SLC3A1: variants seen among roughly 807,000 people sequenced by gnomAD.
SLC3A1 encodes amino acid transporter heavy chain SLC3A1.
SLC3A1 carries 78 observed loss-of-function variants against 60.3 expected under a neutral mutation model. The observed-to-expected ratio is 1.29, with a 90% CI of 1.08 to 1.56. SLC3A1 has a LOEUF of 1.56. Ranked by LOEUF, SLC3A1 falls within the 40% of genes most tolerant of loss-of-function variation. SLC3A1 has a pLI of 0.00. For synonymous variants in SLC3A1, 392 were observed against 307.9 expected, an observed-to-expected ratio of 1.27 and a Z score of -2.86; for missense variants, 1,172 against 858.9, an observed-to-expected ratio of 1.36 and a Z score of -4.56.
chr2:44,321,411 A>T lies in SLC3A1; in HGVS notation c.*772A>T, dbSNP rs551975130. On this transcript the variant is annotated 3_prime_UTR_variant, in exon 10 of 10. Coordinates refer to ENST00000260649, the MANE Select transcript of SLC3A1 (RefSeq NM_000341.4). ...GAAAACACTGGTGCTGTCAAGTCCA[A>T]GTTCCTCGTACAGGAATTTAATTTG... 6.2e-7 allele frequency: 1 copy of T among 1,613,138 alleles called. No individual in the cohort carries two copies. The highest frequency in any genetic ancestry group is 1.1e-5 in the South Asian group (1 of 91,034).
intron 9 of SLC3A1, among the ~76,000 whole-genome samples, chr2:44,315,990 A>G (rs1382635288): frequency 1.3e-5 from 2 of 152,194 alleles, no homozygotes; most frequent in African/African-American, 2.4e-5. Context: ...CACAGACACC[A>G]GGAGAAAAAA....
chr2:44,318,085 TCTCA>T (rs1558473523), intron 9 of SLC3A1: 1 of 427,488 alleles, frequency 2.3e-6, no homozygotes, highest in Non-Finnish European at 4.6e-6. Context: ...ACTTAAAGGA[TCTCA>T]ACACTGTTTT....
At chr2:44,309,829 C>T (rs1002067642) in intron 7 of SLC3A1, among the ~76,000 whole-genome samples, 9 of 152,048 alleles carry the variant, frequency 5.9e-5, no homozygotes, top group Admixed American at 2.0e-4. Context: ...GAACTCCTGG[C>T]CTCAAGTGAT....
intron 4 of SLC3A1, among the ~76,000 whole-genome samples, chr2:44,289,841 G>C (rs901544726): frequency 1.3e-5 from 2 of 151,960 alleles, no homozygotes; most frequent in Non-Finnish European, 2.9e-5. Flanking sequence ...ATGTTGGCTA[G>C]GCTGGTCTCG....
At chr2:44,304,412 T>C (rs973459640) in intron 7 of SLC3A1, 74 bp downstream of exon 7, 17 of 1,162,136 alleles carry the variant, frequency 1.5e-5, no homozygotes, top group South Asian at 1.4e-4. Flanking sequence ...TAAAATGCAA[T>C]GGACCTTTGT....
chr2:44,286,572 G>C (rs1161910028), intron 4 of SLC3A1, among the ~76,000 whole-genome samples: 2 of 137,122 alleles, frequency 1.5e-5, no homozygotes, highest in Admixed American at 1.5e-4. Flanking sequence ...GAGCTGTGCG[G>C]TGCCTGTGAC....
chr2:44,296,131 C>A (rs528774916), intron 4 of SLC3A1, among the ~76,000 whole-genome samples: 7 of 152,218 alleles, frequency 4.6e-5, no homozygotes, highest in African/African-American at 1.7e-4. Context: ...CTTTCTTTGC[C>A]CCACCAGACT....
Position 44,305,128 on chromosome 2 carries a change from C to A in SLC3A1, c.1332+790C>A, listed in dbSNP as rs775600867. 4.3e-4 allele frequency among the ~76,000 whole-genome samples: 66 copies of A among 152,214 alleles called. 1 individual carries two copies. Among genetic ancestry groups the A allele is most frequent in the Non-Finnish European group, 8.8e-4 (60 of 68,012 alleles). On this transcript the variant is annotated intron_variant, in intron 7 of 9. Coordinates refer to ENST00000260649, the MANE Select transcript of SLC3A1 (RefSeq NM_000341.4). ...GGGAATACAGGCATGAGCTACCACGCCCAGCACTAACATTTTTCAAGACTG... is the reference window on the plus strand; with the variant it reads ...GGGAATACAGGCATGAGCTACCACGACCAGCACTAACATTTTTCAAGACTG...
At chr2:44,283,722 C>G (rs563331556) in intron 3 of SLC3A1, among the ~76,000 whole-genome samples, 4 of 151,954 alleles carry the variant, frequency 2.6e-5, no homozygotes, top group Admixed American at 2.6e-4. Flanking sequence ...TTAATATGTT[C>G]AAAAATATGT....
Position 44,312,623 on chromosome 2 carries a change from T to C in SLC3A1, c.1370T>C (p.Leu457Ser), listed in dbSNP as rs770659978. The C allele has an allele frequency of 6.2e-7, 1 of 1,614,040 alleles. No individual in the cohort carries two copies. The highest frequency in any genetic ancestry group is 1.1e-5 in the South Asian group (1 of 91,082). The change falls in exon 8 of 10, where the codon TTG becomes TCG. Residue 457 changes from leucine to serine, a missense_variant. Transcript: ENST00000260649. ...GPDSSRLTSRLGNQYVNVMNM... is the reference protein window; with the variant it reads ...GPDSSRLTSRSGNQYVNVMNM... Reference sequence around the variant, plus strand: ...GACAGTTCACGGCTGACTTCGCGTTTGGGGAATCAGTATGTCAACGTGATG... The same window carrying C: ...GACAGTTCACGGCTGACTTCGCGTTCGGGGAATCAGTATGTCAACGTGATG...
At chr2:44,288,743 G>A (rs981654243) in intron 4 of SLC3A1, among the ~76,000 whole-genome samples, 4 of 152,214 alleles carry the variant, frequency 2.6e-5, no homozygotes, top group South Asian at 4.1e-4. Flanking sequence ...GGCTAAAGAC[G>A]TTGAACATCT....
intron 9 of SLC3A1, among the ~76,000 whole-genome samples, chr2:44,317,443 C>T (rs1672515566): frequency 7.8e-6 from 1 of 128,750 alleles, no homozygotes; most frequent in South Asian, 2.7e-4. Flanking sequence ...GCTTGGGCAA[C>T]AGAGGGAGAT....
intron 7 of SLC3A1, among the ~76,000 whole-genome samples, chr2:44,304,760 G>C (rs906113342): frequency 6.6e-6 from 1 of 150,654 alleles, no homozygotes; most frequent in African/African-American, 2.4e-5. Context: ...TTAAACTACA[G>C]AGATTGTCGG....
intron 6 of SLC3A1, among the ~76,000 whole-genome samples, chr2:44,302,534 C>T (rs946190356): frequency 1.3e-5 from 2 of 152,180 alleles, no homozygotes; most frequent in African/African-American, 4.8e-5. Context: ...GGAGTGGCAG[C>T]TATGGGATTT....
intron 4 of SLC3A1, among the ~76,000 whole-genome samples, chr2:44,296,197 C>A (rs1436336917): frequency 2.0e-5 from 3 of 152,146 alleles, no homozygotes; most frequent in African/African-American, 7.2e-5. Flanking sequence ...AGCTGCAAAC[C>A]CTCCCCAGGG....
In SLC3A1 at chr2:44,320,702, T is replaced by C; in HGVS notation, c.*63T>C. The C allele has an allele frequency of 8.2e-7, 1 of 1,215,798 alleles. No homozygotes were observed. The highest frequency in any genetic ancestry group is 1.2e-5 in the South Asian group (1 of 82,354). The allele number at this position is 1,215,798 out of a possible 1,614,324, so 75.3% of individuals were successfully genotyped here. On this transcript the variant is annotated 3_prime_UTR_variant, in exon 10 of 10. Transcript: ENST00000260649. ...TGGGATTGTAAGCATTTGTAATAGC[T>C]TCATGTACAGCATGCTGCTTGGTGA...
chr2:44,277,110 T>C (rs1379854595), intron 1 of SLC3A1, among the ~76,000 whole-genome samples: 2 of 147,840 alleles, frequency 1.4e-5, no homozygotes, highest in African/African-American at 2.5e-5. Flanking sequence ...CTTCTTTTTT[T>C]TTTTTTTTTT....
chr2:44,305,427 C>CTTTTTT (rs139686441), intron 7 of SLC3A1, among the ~76,000 whole-genome samples: 1 of 115,894 alleles, frequency 8.6e-6, no homozygotes, highest in Non-Finnish European at 1.8e-5. Flanking sequence ...TCTTTTCTTA[C>CTTTTTT]TTTTTTTTTT....
intron 6 of SLC3A1, among the ~76,000 whole-genome samples, chr2:44,303,609 C>T (rs1672073754): frequency 6.6e-6 from 1 of 151,622 alleles, no homozygotes. Flanking sequence ...ACTTTTAGTT[C>T]TGGGGTACAT....
Sources: allele counts gnomAD v4.1 joint callset (sites outside exome capture counted in the v4.1 genomes callset), GRCh38; gene constraint gnomAD v4.1.1; transcripts MANE v1.5; gene names NCBI Gene and HGNC (gene_info 2026-07-23, HGNC 2026-07-21).